The following INPP4B variants were observed in gnomAD, a reference collection of about 807,000 sequenced individuals.
INPP4B encodes inositol polyphosphate-4-phosphatase type II B.
A neutral mutation model predicts 122.5 loss-of-function variants in INPP4B; 55 were observed. That is an observed-to-expected ratio of 0.45 (90% CI 0.36 to 0.56). The LOEUF (loss-of-function observed/expected upper bound fraction) is 0.56. Among genes scored for constraint, INPP4B ranks in the 20% least tolerant of loss-of-function variants. INPP4B has a pLI of 0.00. For synonymous variants in INPP4B, 403 were observed against 388.7 expected (o/e 1.04, Z -0.43); for missense variants, 1,000 against 1,097.7 (o/e 0.91, Z 1.26).
intron 7 of INPP4B, among the ~76,000 whole-genome samples, chr4:142,327,277 A>G (rs1328381134): frequency 6.6e-6 from 1 of 152,188 alleles, no homozygotes; most frequent in East Asian, 1.9e-4. Context: ...AAGGCTAAAT[A>G]ATTTCTAAGT....
intron 9 of INPP4B, among the ~76,000 whole-genome samples, chr4:142,284,037 C>T (rs1752406008): frequency 6.6e-6 from 1 of 152,076 alleles, no homozygotes; most frequent in East Asian, 1.9e-4. Context: ...GGAAGAGGAA[C>T]ACTGACAATT....
intron 5 of INPP4B, among the ~76,000 whole-genome samples, chr4:142,405,606 G>A (rs972686167): frequency 6.6e-6 from 1 of 152,102 alleles, no homozygotes; most frequent in Non-Finnish European, 1.5e-5. Context: ...TGCACACATG[G>A]CTCAGAAACC....
chr4:142,284,445 T>C (rs1466166301), intron 9 of INPP4B, among the ~76,000 whole-genome samples: 1 of 151,842 alleles, frequency 6.6e-6, no homozygotes, highest in African/African-American at 2.4e-5. Context: ...GGAAGAAAGG[T>C]AGAGAAGGTG....
intron 7 of INPP4B, among the ~76,000 whole-genome samples, chr4:142,328,149 C>T (rs1183446597): frequency 6.6e-6 from 1 of 151,948 alleles, no homozygotes; most frequent in Non-Finnish European, 1.5e-5. Context: ...TTTAAAAGAG[C>T]AAAGGTATTA....
rs1241937944 is a variant in INPP4B, at chr4:142,806,793, AAGAAAGAAAG to A, written c.-254+39406_-254+39415del. ...AAAGAAAGAAAGAAAGAAGGAAAGA[AAGAAAGAAAG>A]AAAGAAAGAAAGAAAGAAAGAAAGA... On this transcript the variant is annotated intron_variant, in intron 1 of 25. Transcript: ENST00000262992. Among the ~76,000 whole-genome samples the A allele has an allele frequency of 2.9e-4, 40 of 135,610 alleles. 1 individual carries two copies. Among genetic ancestry groups the A allele is most frequent in the Admixed American group, 8.3e-4 (11 of 13,322 alleles). 89.0% of individuals were successfully genotyped at this position (135,610 alleles called of 152,430 possible).
rs145347378 is a variant in INPP4B, at chr4:142,823,263, T to C, written c.-254+22946A>G. ...AGATATTAATGAAGTGAACTTTTTG[T>C]AGTAGCATAATATAGTAATAACATT... On this transcript the variant is annotated intron_variant, in intron 1 of 25. Coordinates refer to ENST00000262992, the MANE Select transcript of INPP4B (RefSeq NM_001101669.3). Among the ~76,000 whole-genome samples the C allele has an allele frequency of 2.8e-3, 427 of 152,312 alleles. 2 individuals carry two copies. The highest frequency in any genetic ancestry group is 4.3e-3 in the Non-Finnish European group (292 of 68,022).
In INPP4B at chr4:142,393,954, C is replaced by G. The variant is rs558025350; in HGVS notation, c.372+8984G>C. 2.0e-5 allele frequency among the ~76,000 whole-genome samples: 3 copies of G among 152,292 alleles called. No homozygotes were observed. The East Asian group carries it at 5.8e-4, about 29-fold the overall frequency. ...CTGAATCTTTCATTGCTCAATTAAA[C>G]TCCTTTAAATTTAATTTGGCTGAAG... is the stretch of plus-strand genomic sequence containing the variant. On this transcript the variant is annotated intron_variant, in intron 7 of 25. Transcript: ENST00000262992.
intron 7 of INPP4B, among the ~76,000 whole-genome samples, chr4:142,320,390 C>T (rs1016204808): frequency 3.3e-5 from 5 of 152,146 alleles, no homozygotes; most frequent in Non-Finnish European, 5.9e-5. Context: ...ATTTTGGGAA[C>T]GATCTTAGAA....
chr4:142,553,943 C>A (rs1677394640), intron 2 of INPP4B, among the ~76,000 whole-genome samples: 1 of 152,160 alleles, frequency 6.6e-6, no homozygotes. Context: ...GTAATCCCAG[C>A]ACTTTGGGAG....
intron 18 of INPP4B, among the ~76,000 whole-genome samples, chr4:142,131,824 G>T (rs111438796): frequency 6.6e-6 from 1 of 152,020 alleles, no homozygotes; most frequent in Admixed American, 6.5e-5. Context: ...GCATGGTGGC[G>T]CATGCCTATA....
chr4:142,376,579 A>C (rs17016027), intron 7 of INPP4B, among the ~76,000 whole-genome samples: 31,968 of 151,922 alleles, frequency 0.21, 3,635 homozygotes, highest in Middle Eastern at 0.27. Flanking sequence ...CACTTCAAAA[A>C]GTGAGTCCCT....
At chr4:142,517,425 T>C (rs529281178) in intron 2 of INPP4B, among the ~76,000 whole-genome samples, 7 of 152,192 alleles carry the variant, frequency 4.6e-5, no homozygotes, top group Non-Finnish European at 2.9e-5. Context: ...CAAAAATATC[T>C]AATGTTACGC....
intron 1 of INPP4B, among the ~76,000 whole-genome samples, chr4:142,733,618 A>G (rs1185929963): frequency 1.3e-5 from 2 of 152,168 alleles, no homozygotes; most frequent in Admixed American, 6.6e-5. Flanking sequence ...AAAAAAAAAG[A>G]TAATAGCAAG....
chr4:142,226,311 G>A (rs1003301563), intron 12 of INPP4B, among the ~76,000 whole-genome samples: 7 of 152,072 alleles, frequency 4.6e-5, no homozygotes, highest in African/African-American at 1.7e-4. Flanking sequence ...AACTGTTGCT[G>A]TTGCTGTCTT....
At chr4:142,478,045 C>T (rs1010064501) in intron 2 of INPP4B, among the ~76,000 whole-genome samples, 2 of 152,142 alleles carry the variant, frequency 1.3e-5, no homozygotes, top group Non-Finnish European at 2.9e-5. Flanking sequence ...TCAAGCAATC[C>T]GCTCACCTAG....
At chr4:142,371,344 A>G (rs1171837360) in intron 7 of INPP4B, among the ~76,000 whole-genome samples, 1 of 152,094 alleles carries the variant, frequency 6.6e-6, no homozygotes, top group African/African-American at 2.4e-5. Context: ...CAGGGGAAAC[A>G]CTTCTGGACA....
intron 2 of INPP4B, among the ~76,000 whole-genome samples, chr4:142,527,767 T>G (rs985020779): frequency 1.2e-4 from 18 of 152,178 alleles, no homozygotes; most frequent in African/African-American, 4.3e-4. Context: ...TCCTAGAATT[T>G]TTTTCAGGAG....
chr4:142,694,209 C>G (rs1185341009), intron 2 of INPP4B, among the ~76,000 whole-genome samples: 1 of 151,664 alleles, frequency 6.6e-6, no homozygotes, highest in African/African-American at 2.4e-5. Context: ...CCCGTCTGTA[C>G]TAAAAATACA....
chr4:142,633,148 A>G lies in INPP4B; in HGVS notation c.-191+92691T>C, dbSNP rs138073772. Among the ~76,000 whole-genome samples, 779 of 152,144 alleles carry G rather than the reference A, an allele frequency of 5.1e-3. 5 individuals are homozygous for G. The highest frequency in any genetic ancestry group is 8.4e-3 in the Admixed American group (128 of 15,268). The stretch of plus-strand genomic sequence containing the variant: ...TCTAAGTCAAGAAAAATTGCTAACG[A>G]CAAAAAGGACACTTCATAACAACAA... On this transcript the variant is annotated intron_variant, in intron 2 of 25. Coordinates refer to ENST00000262992, the MANE Select transcript of INPP4B (RefSeq NM_001101669.3).
Sources: gnomAD v4.1 joint callset for allele counts (sites outside exome capture counted in the v4.1 genomes callset) on GRCh38, gnomAD v4.1.1 for gene constraint, MANE v1.5 for transcripts, NCBI Gene and HGNC (gene_info 2026-07-23, HGNC 2026-07-21) for gene names.